Variants in KCNK13 observed in about 807,000 individuals in gnomAD.
KCNK13 encodes potassium two pore domain channel subfamily K member 13.
In KCNK13, 12 loss-of-function variants were observed where a neutral mutation model predicts 23.4. The ratio of observed to expected loss-of-function variants is 0.51; its 90% CI spans 0.33 to 0.83. The LOEUF (loss-of-function observed/expected upper bound fraction) is 0.83, where lower values mean the gene tolerates loss of function less well. Among genes scored for constraint, KCNK13 ranks in the 40% least tolerant of loss-of-function variants. The pLI is 0.02. For missense variants in KCNK13, 463 were observed against 556.3 expected (o/e 0.83, Z 1.69); for synonymous variants, 231 against 229.5 (o/e 1.01, Z -0.06).
chr14:90,143,269 G>A (rs1455721706), intron 1 of KCNK13, among the ~76,000 whole-genome samples: 5 of 147,152 alleles, frequency 3.4e-5, no homozygotes, highest in East Asian at 2.0e-4. Flanking sequence ...ATGCGGTAGC[G>A]TGATCTCGGC....
At chr14:90,103,742 T>C (rs963327668) in intron 1 of KCNK13, among the ~76,000 whole-genome samples, 36 of 152,164 alleles carry the variant, frequency 2.4e-4, no homozygotes, top group Non-Finnish European at 4.7e-4. Flanking sequence ...TTTGTATTTT[T>C]AGTAGAGACG....
In KCNK13 at chr14:90,184,876, T is replaced by C. The variant is rs1198190135; in HGVS notation, c.1100T>C (p.Leu367Pro). 1.2e-6 allele frequency: 2 copies of C among 1,613,854 alleles called. No homozygotes were observed. The highest frequency in any genetic ancestry group is 1.7e-5 in the Admixed American group (1 of 60,020). The change falls in exon 2 of 2, where the codon CTG (leucine) becomes CCG (proline). Residue 367 changes from leucine (L) to proline (P), a missense_variant. Physicochemically the swap from Leu to Pro is moderately conservative, Grantham distance 98. Coordinates refer to ENST00000282146, the MANE Select transcript of KCNK13 (RefSeq NM_022054.4). The surrounding 1 kb of genome is among the most constrained non-coding windows in gnomAD (Gnocchi z 5.6). ...TCGTTGGCCATCCTGCAGAAGCAACTGTCTGAGATGGCCAACGGCTGCCCC... is the reference window on the plus strand; with the variant it reads ...TCGTTGGCCATCCTGCAGAAGCAACCGTCTGAGATGGCCAACGGCTGCCCC... ...KASLAILQKQLSEMANGCPHQ... is the reference protein window; with the variant it reads ...KASLAILQKQPSEMANGCPHQ...
intron 1 of KCNK13, among the ~76,000 whole-genome samples, chr14:90,164,195 A>G (rs1415710581): frequency 6.6e-6 from 1 of 152,230 alleles, no homozygotes; most frequent in Non-Finnish European, 1.5e-5. Flanking sequence ...CAGCTCAATT[A>G]TTATACCCAT....
At chr14:90,148,011 G>T (rs1325585677) in intron 1 of KCNK13, among the ~76,000 whole-genome samples, 1 of 152,002 alleles carries the variant, frequency 6.6e-6, no homozygotes, top group East Asian at 1.9e-4. Context: ...AATACAAAAA[G>T]TATTAGCCGA....
intron 1 of KCNK13, among the ~76,000 whole-genome samples, chr14:90,125,967 G>A (rs1013748652): frequency 6.6e-6 from 1 of 150,950 alleles, no homozygotes; most frequent in Admixed American, 6.6e-5. Flanking sequence ...TGAGGTTGCA[G>A]TGAGCCATGA....
Position 90,184,086 on chromosome 14 carries a change from C to G in KCNK13, c.335-25C>G. On this transcript the variant is annotated intron_variant, in intron 1 of 1. Transcript: ENST00000282146. This position sits in a 1 kb window ranked among gnomAD's most constrained non-coding sequence, Gnocchi z 5.6. ...ATTCACAGCAAAGATTTCTCTTACT[C>G]TTCTCTCATTTTTCTCTCCTGCAGG... 2 of 1,594,766 alleles carry G rather than the reference C, an allele frequency of 1.3e-6. No homozygotes were observed. The highest frequency in any genetic ancestry group is 1.7e-6 in the Non-Finnish European group (2 of 1,168,596).
chr14:90,123,605 C>G (rs1889763896), intron 1 of KCNK13, among the ~76,000 whole-genome samples: 1 of 152,124 alleles, frequency 6.6e-6, no homozygotes, highest in African/African-American at 2.4e-5. Flanking sequence ...AGTTGCCAGT[C>G]CTCGTTTGTG....
chr14:90,143,779 C>T (rs754541858), intron 1 of KCNK13, among the ~76,000 whole-genome samples: 3 of 152,100 alleles, frequency 2.0e-5, no homozygotes, highest in East Asian at 1.9e-4. Flanking sequence ...AAAACAGAAG[C>T]GAGGCAGAGA....
intron 1 of KCNK13, among the ~76,000 whole-genome samples, chr14:90,110,499 A>AG (rs373482629): frequency 0.11 from 16,399 of 146,502 alleles, 1,162 homozygotes; most frequent in East Asian, 0.24. Flanking sequence ...AAAAAAAAAA[A>AG]GCATCTGATT....
At chr14:90,125,223 T>G (rs1889782534) in intron 1 of KCNK13, among the ~76,000 whole-genome samples, 1 of 130,654 alleles carries the variant, frequency 7.7e-6, no homozygotes. Flanking sequence ...TCTACTTAAT[T>G]TTTTTTTTTT....
At chr14:90,148,203 G>T (rs1890095797) in intron 1 of KCNK13, among the ~76,000 whole-genome samples, 1 of 152,048 alleles carries the variant, frequency 6.6e-6, no homozygotes, top group Non-Finnish European at 1.5e-5. Flanking sequence ...GGTTTACAGG[G>T]GTCCCTTTTG....
chr14:90,106,675 A>G (rs939477606), intron 1 of KCNK13, among the ~76,000 whole-genome samples: 37 of 152,318 alleles, frequency 2.4e-4, no homozygotes, highest in African/African-American at 5.8e-4. Context: ...TATTTTAGAA[A>G]GACATTATAC....
At chr14:90,122,107 A>G (rs1454062161) in intron 1 of KCNK13, among the ~76,000 whole-genome samples, 1 of 152,096 alleles carries the variant, frequency 6.6e-6, no homozygotes, top group Non-Finnish European at 1.5e-5. Flanking sequence ...TAGCTCCATC[A>G]TAGTCTATGA....
intron 1 of KCNK13, among the ~76,000 whole-genome samples, chr14:90,160,223 C>T (rs1890238552): frequency 6.6e-6 from 1 of 152,156 alleles, no homozygotes; most frequent in Admixed American, 6.5e-5. Context: ...GAGAAATTCA[C>T]CTGCTTTCGT....
At chr14:90,120,611 A>G (rs1889727485) in intron 1 of KCNK13, among the ~76,000 whole-genome samples, 1 of 152,212 alleles carries the variant, frequency 6.6e-6, no homozygotes, top group South Asian at 2.1e-4. Flanking sequence ...TATCATGTGA[A>G]CGGCATGGGG....
rs1212101448 is a variant in KCNK13, at chr14:90,087,139, T to C, written c.334+24600T>C. ...ATACATATATATATACATATATATA[T>C]ATATATATATATATATTTTTTTTTT... On this transcript the variant is annotated intron_variant, in intron 1 of 1. Transcript: ENST00000282146. Among the ~76,000 whole-genome samples, 5 of 112,950 alleles carry C rather than the reference T, an allele frequency of 4.4e-5. No individual in the cohort carries two copies. The East Asian group carries it at 9.4e-4, about 21-fold the overall frequency. 74.1% of individuals were successfully genotyped at this position (112,950 alleles called of 152,430 possible). A position where few individuals can be genotyped will look rare whatever the true frequency, so the allele number is the denominator to read the frequency against.
intron 1 of KCNK13, among the ~76,000 whole-genome samples, chr14:90,157,857 C>T (rs1035479318): frequency 2.6e-5 from 4 of 151,848 alleles, no homozygotes; most frequent in Admixed American, 6.6e-5. Flanking sequence ...TGTGCCACCA[C>T]GCCCGGCTAA....
intron 1 of KCNK13, among the ~76,000 whole-genome samples, chr14:90,090,416 A>G (rs923674337): frequency 6.6e-6 from 1 of 152,218 alleles, no homozygotes; most frequent in African/African-American, 2.4e-5. Context: ...GGTATACCCA[A>G]TGCCTGAACC....
intron 1 of KCNK13, among the ~76,000 whole-genome samples, chr14:90,123,580 C>CA (rs777753906): frequency 7.9e-5 from 12 of 152,228 alleles, no homozygotes; most frequent in Non-Finnish European, 1.6e-4. Flanking sequence ...TAACAGAAGG[C>CA]AATAGAATGA....
Sources: gnomAD v4.1 joint callset for allele counts (sites outside exome capture counted in the v4.1 genomes callset) on GRCh38, gnomAD v4.1.1 for gene constraint, Gnocchi (gnomAD v3.1) non-coding constraint, MANE v1.5 for transcripts, NCBI Gene and HGNC (gene_info 2026-07-23, HGNC 2026-07-21) for gene names.